The following DLGAP1 variants were observed in gnomAD, a reference collection of about 807,000 sequenced individuals.
DLGAP1 encodes the protein disks large-associated protein 1.
In DLGAP1, 11 loss-of-function variants were observed where a neutral mutation model predicts 90.8. That is an observed-to-expected ratio of 0.12 (90% confidence interval 0.08 to 0.20). DLGAP1 has a LOEUF of 0.20. DLGAP1 is among the 10% of genes least tolerant of loss of function. DLGAP1 has a pLI of 1.00. For missense variants in DLGAP1, 1,050 were observed against 1,333.8 expected (o/e 0.79, Z 3.31); for synonymous variants, 558 against 540.7 (o/e 1.03, Z -0.44).
intron 7 of DLGAP1, among the ~76,000 whole-genome samples, chr18:3,669,349 C>A (rs1290492710): frequency 6.6e-6 from 1 of 152,094 alleles, no homozygotes; most frequent in South Asian, 2.1e-4. Flanking sequence ...CGGACCTAGG[C>A]GAGGACAGGC....
chr18:3,902,264 T>C (rs2071801097), intron 3 of DLGAP1, among the ~76,000 whole-genome samples: 1 of 152,196 alleles, frequency 6.6e-6, no homozygotes, highest in African/African-American at 2.4e-5. Flanking sequence ...TCCTTGTTCT[T>C]TTTTTAAGGT....
chr18:3,635,358 G>A (rs1264475446), intron 7 of DLGAP1, among the ~76,000 whole-genome samples: 1 of 151,610 alleles, frequency 6.6e-6, no homozygotes, highest in Non-Finnish European at 1.5e-5. Context: ...GGATGGTCTC[G>A]ATCTCCTGAC....
chr18:4,285,109 A>G (rs974510107), intron 1 of DLGAP1, among the ~76,000 whole-genome samples: 5 of 152,142 alleles, frequency 3.3e-5, no homozygotes, highest in African/African-American at 1.2e-4. Context: ...AGAGTTGGCA[A>G]TCCCTATATA....
At chr18:3,554,242 G>A (rs568552501) in intron 9 of DLGAP1, among the ~76,000 whole-genome samples, 145 of 152,288 alleles carry the variant, frequency 9.5e-4, no homozygotes, top group Non-Finnish European at 1.5e-3. Context: ...GGCCACTGGC[G>A]GAGGTGAGTG....
At chr18:4,088,665 A>AT (rs1568389299) in intron 2 of DLGAP1, among the ~76,000 whole-genome samples, 1 of 151,786 alleles carries the variant, frequency 6.6e-6, no homozygotes, top group Non-Finnish European at 1.5e-5. Flanking sequence ...TTCTGAGTTG[A>AT]TTTTTTTCCT....
At chr18:3,558,799 T>A (rs555631250) in intron 9 of DLGAP1, among the ~76,000 whole-genome samples, 10 of 152,238 alleles carry the variant, frequency 6.6e-5, no homozygotes, top group Admixed American at 2.0e-4. Context: ...TATAGTTAAG[T>A]CTTGTTTTCT....
chr18:4,242,597 AT>A (rs1217591897), intron 1 of DLGAP1, among the ~76,000 whole-genome samples: 1 of 152,166 alleles, frequency 6.6e-6, no homozygotes, highest in Non-Finnish European at 1.5e-5. Context: ...TTTCAGAAAC[AT>A]TTGCACACCT....
chr18:4,445,944 G>C (rs2083653440), intron 1 of DLGAP1, among the ~76,000 whole-genome samples: 1 of 151,986 alleles, frequency 6.6e-6, no homozygotes, highest in African/African-American at 2.4e-5. Flanking sequence ...CAGTCAACTA[G>C]ATAGAAGGAC....
At position 4,008,226 on chromosome 18, in the gene DLGAP1, T is replaced by TACAC. The variant is rs67739004; in HGVS notation, c.-158-3029_-158-3026dup. Among the ~76,000 whole-genome samples the TACAC allele has an allele frequency of 4.2e-3, 614 of 147,100 alleles. 1 individual carries two copies. The highest frequency in any genetic ancestry group is 0.012 in the African/African-American group (458 of 39,314). On this transcript the variant is annotated intron_variant, in intron 2 of 12. Coordinates refer to ENST00000315677, the MANE Select transcript of DLGAP1 (RefSeq NM_004746.4). ...ATGTAAATAAATAAATATATATATA[T>TACAC]ACACACACACACACACACACACACT...
intron 3 of DLGAP1, among the ~76,000 whole-genome samples, chr18:3,926,568 G>GTA (rs556842442): frequency 9.4e-4 from 142 of 151,064 alleles, no homozygotes; most frequent in African/African-American, 2.7e-3. Context: ...ACATATGTGT[G>GTA]TATATATATA....
Position 3,729,428 on chromosome 18 carries a change from A to G in DLGAP1, c.1351-53T>C, listed in dbSNP as rs1434106617. 1 of 1,578,610 alleles carries G rather than the reference A, an allele frequency of 6.3e-7. No individual in the cohort carries two copies. The highest frequency in any genetic ancestry group is 8.6e-7 in the Non-Finnish European group (1 of 1,157,250). On this transcript the variant is annotated intron_variant, in intron 6 of 12. Transcript: ENST00000315677. This position sits in a 1 kb window ranked among gnomAD's most constrained non-coding sequence, Gnocchi z 6.2. Reference sequence around the variant, plus strand: ...CTCGCCTCCACCTGGTGGAGGATCAACCTCTCCAAGCATCTGCGAACTTCA... The same window carrying G: ...CTCGCCTCCACCTGGTGGAGGATCAGCCTCTCCAAGCATCTGCGAACTTCA...
chr18:3,580,735 C>G, intron 8 of DLGAP1: 1 of 1,613,658 alleles, frequency 6.2e-7, no homozygotes, highest in Non-Finnish European at 8.5e-7. Context: ...ACCAGGACAG[C>G]CACGCACCAT....
At chr18:3,532,399 G>A (rs947142937) in intron 10 of DLGAP1, among the ~76,000 whole-genome samples, 1 of 151,926 alleles carries the variant, frequency 6.6e-6, no homozygotes, top group Non-Finnish European at 1.5e-5. Context: ...GACCAACATG[G>A]TGAAACCCCG....
intron 7 of DLGAP1, among the ~76,000 whole-genome samples, chr18:3,590,130 G>A (rs547224865): frequency 1.3e-5 from 2 of 152,204 alleles, no homozygotes; most frequent in Admixed American, 6.5e-5. Flanking sequence ...GGCTGGTCTC[G>A]AACTCCTGAC....
intron 11 of DLGAP1, among the ~76,000 whole-genome samples, chr18:3,505,347 G>A (rs2050154171): frequency 6.6e-6 from 1 of 152,116 alleles, no homozygotes; most frequent in Non-Finnish European, 1.5e-5. Flanking sequence ...TCATTAAAAT[G>A]TCACTATCGG....
chr18:3,683,534 T>C (rs1164780779), intron 7 of DLGAP1, among the ~76,000 whole-genome samples: 1 of 152,170 alleles, frequency 6.6e-6, no homozygotes, highest in Non-Finnish European at 1.5e-5. Flanking sequence ...TGCATTTCAG[T>C]TTCAGAGAAC....
chr18:3,722,602 G>C (rs2062018770), intron 7 of DLGAP1: 1 of 152,178 alleles, frequency 6.6e-6, no homozygotes, highest in South Asian at 2.1e-4. Context: ...AAACTCATTA[G>C]CAGAGGGACA....
intron 1 of DLGAP1, among the ~76,000 whole-genome samples, chr18:4,284,128 T>C (rs1280509544): frequency 1.3e-5 from 2 of 149,778 alleles, no homozygotes; most frequent in Non-Finnish European, 1.5e-5. Flanking sequence ...ACTATGATTA[T>C]AGGTGCACTA....
Position 3,879,832 on chromosome 18 carries a change from T to C in DLGAP1, c.237A>G (p.Gln79=), listed in dbSNP as rs2071103524. The change falls in exon 4 of 13, where the codon CAA becomes CAG. Residue 79 remains glutamine (Q), a synonymous_variant. Transcript: ENST00000315677. The surrounding 1 kb of genome is among the most constrained non-coding windows in gnomAD (Gnocchi z 6.6). ...CCAGGGCACACTCGTCCTTCAGCTC[T>C]TGCTGCGAGGTGTAGTGCCTGCGGG... The part of the protein sequence containing the change: ...TFPRRHYTSQ[Q]ELKDECALVP... 1.2e-6 allele frequency: 2 copies of C among 1,609,264 alleles called. No individual in the cohort carries two copies. The highest frequency in any genetic ancestry group is 8.5e-7 in the Non-Finnish European group (1 of 1,179,848).
Sources: allele counts gnomAD v4.1 joint callset (sites outside exome capture counted in the v4.1 genomes callset), GRCh38; gene constraint gnomAD v4.1.1; non-coding constraint Gnocchi (gnomAD v3.1); transcripts MANE v1.5; gene names NCBI Gene and HGNC (gene_info 2026-07-23, HGNC 2026-07-21).